ERN1: variants seen among roughly 807,000 people sequenced by gnomAD.
ERN1 encodes endoplasmic reticulum to nucleus signaling 1.
A neutral mutation model predicts 113.1 loss-of-function variants in ERN1; 39 were observed. The observed-to-expected ratio is 0.34, with a 90% confidence interval of 0.27 to 0.45. The LOEUF is 0.45. Among genes scored for constraint, ERN1 ranks in the 20% least tolerant of loss-of-function variants. The pLI, the probability that ERN1 is intolerant of heterozygous loss-of-function variation, is 1.00. For synonymous variants in ERN1, 507 were observed against 515.9 expected, an observed-to-expected ratio of 0.98 and a Z score of 0.23; for missense variants, 976 against 1,274.8, an observed-to-expected ratio of 0.77 and a Z score of 3.57.
At position 64,072,117 on chromosome 17, in the gene ERN1, A is replaced by G; in HGVS notation, c.356-14T>C. 1.2e-6 allele frequency: 2 copies of G among 1,612,860 alleles called. No homozygotes were observed. Among genetic ancestry groups the G allele is most frequent in the Non-Finnish European group, 1.7e-6 (2 of 1,179,494 alleles). The stretch of plus-strand genomic sequence containing the variant: ...CCTGCTTTTTACCTGAAAGGACACA[A>G]AAACACATCGTCGTTTACACCATAT... On this transcript the variant is annotated splice_polypyrimidine_tract_variant and intron_variant, in intron 5 of 21. Coordinates refer to ENST00000433197, the MANE Select transcript of ERN1 (RefSeq NM_001433.5).
intron 17 of ERN1, among the ~76,000 whole-genome samples, chr17:64,052,161 C>G (rs1474061859): frequency 6.6e-6 from 1 of 152,166 alleles, no homozygotes; most frequent in Non-Finnish European, 1.5e-5. Flanking sequence ...CAAGACCAGC[C>G]TGGGCAAAAT....
chr17:64,088,638 G>C (rs1914000307), intron 2 of ERN1, among the ~76,000 whole-genome samples: 1 of 152,102 alleles, frequency 6.6e-6, no homozygotes, highest in Non-Finnish European at 1.5e-5. Context: ...GCTTCAGCTG[G>C]GTTCTCTGTT....
chr17:64,118,198 C>T (rs138404795), intron 1 of ERN1, among the ~76,000 whole-genome samples: 214 of 152,198 alleles, frequency 1.4e-3, no homozygotes, highest in African/African-American at 5.1e-3. Flanking sequence ...TTTCTGGTTC[C>T]GTTGCTTTGT....
chr17:64,123,400 G>T (rs1382703478), intron 1 of ERN1, among the ~76,000 whole-genome samples: 3 of 152,110 alleles, frequency 2.0e-5, no homozygotes, highest in Admixed American at 6.5e-5. Context: ...TAGCTTTTAG[G>T]TACAAAGGGT....
At chr17:64,112,019 G>A (rs1353443663) in intron 1 of ERN1, among the ~76,000 whole-genome samples, 1 of 152,110 alleles carries the variant, frequency 6.6e-6, no homozygotes, top group Non-Finnish European at 1.5e-5. Context: ...GGTGCTAGGA[G>A]ACAATCAGGA....
In ERN1 at chr17:64,055,758, G is replaced by A; in HGVS notation, c.1589C>T (p.Pro530Leu). ...SSGTSSPSTS[P>L]RASNHSLCSG... ...GCAGAGCGAGTGGTTGGAGGCCCTG[G>A]GGGACGTGCTGGGGCTGCTGGTGCC... is the stretch of plus-strand genomic sequence containing the variant. Residue 530 changes from proline to leucine, a missense_variant, in exon 13 of 22, where the codon CCC becomes CTC. Transcript: ENST00000433197. The A allele has an allele frequency of 6.2e-7, 1 of 1,610,686 alleles. No individual in the cohort carries two copies. The highest frequency in any genetic ancestry group is 8.5e-7 in the Non-Finnish European group (1 of 1,178,834).
At chr17:64,092,972 C>T (rs966390588) in intron 2 of ERN1, among the ~76,000 whole-genome samples, 10 of 152,120 alleles carry the variant, frequency 6.6e-5, no homozygotes, top group African/African-American at 2.2e-4. Flanking sequence ...AGAAGGATGG[C>T]CCCTAAAGTA....
At chr17:64,099,565 C>CA (rs1914326879) in intron 1 of ERN1, among the ~76,000 whole-genome samples, 1 of 151,888 alleles carries the variant, frequency 6.6e-6, no homozygotes, top group South Asian at 2.1e-4. Context: ...GCTTATACTG[C>CA]AACAGTTTGA....
At chr17:64,093,830 T>C (rs1041861384) in intron 2 of ERN1, among the ~76,000 whole-genome samples, 3 of 152,200 alleles carry the variant, frequency 2.0e-5, no homozygotes, top group African/African-American at 7.2e-5. Context: ...CTCCAACGGC[T>C]GAGGAAAAGC....
chr17:64,046,822 T>A (rs1405405803), intron 19 of ERN1, among the ~76,000 whole-genome samples: 2 of 152,236 alleles, frequency 1.3e-5, no homozygotes, highest in Non-Finnish European at 2.9e-5. Context: ...CCCACAAGCC[T>A]GCTTTCAGAG....
At chr17:64,107,236 A>G (rs141060531) in intron 1 of ERN1, among the ~76,000 whole-genome samples, 1 of 152,320 alleles carries the variant, frequency 6.6e-6, no homozygotes, top group Non-Finnish European at 1.5e-5. Context: ...AATGATCAGG[A>G]GGGGCTCAAC....
At chr17:64,077,000 G>T (rs1329384706) in intron 4 of ERN1, among the ~76,000 whole-genome samples, 1 of 152,188 alleles carries the variant, frequency 6.6e-6, no homozygotes. Context: ...CCACAGGGCT[G>T]CTGAGAGATT....
At chr17:64,055,128 T>C (rs1359072708) in intron 13 of ERN1, among the ~76,000 whole-genome samples, 1 of 152,238 alleles carries the variant, frequency 6.6e-6, no homozygotes, top group Non-Finnish European at 1.5e-5. Flanking sequence ...TACATATTCA[T>C]TGTGATATAG....
At chr17:64,128,007 CT>C (rs538770412) in intron 1 of ERN1, among the ~76,000 whole-genome samples, 116 of 143,990 alleles carry the variant, frequency 8.1e-4, no homozygotes, top group Middle Eastern at 3.7e-3. Context: ...TCTGACCTTT[CT>C]TTTTTTTTTT....
At chr17:64,102,837 ATC>A (rs1914423826) in intron 1 of ERN1, 1 of 985,218 alleles carries the variant, frequency 1.0e-6, no homozygotes, top group East Asian at 1.1e-4. Context: ...GAGTCTGCAG[ATC>A]TGTTTCAAGT....
chr17:64,124,587 G>C (rs150543105), intron 1 of ERN1, among the ~76,000 whole-genome samples: 2 of 152,192 alleles, frequency 1.3e-5, no homozygotes, highest in Non-Finnish European at 2.9e-5. Flanking sequence ...TGCCATCAAC[G>C]TAAGATGTGA....
chr17:64,126,603 T>C (rs765151067), intron 1 of ERN1, among the ~76,000 whole-genome samples: 1 of 152,182 alleles, frequency 6.6e-6, no homozygotes, highest in Non-Finnish European at 1.5e-5. Context: ...GAAGGCTGAA[T>C]AGGCAGGCAA....
chr17:64,053,116 T>C, intron 16 of ERN1, 137 bp from the exon 17 acceptor site: 1 of 923,330 alleles, frequency 1.1e-6, no homozygotes, highest in Non-Finnish European at 1.6e-6. Flanking sequence ...CTATGTCGGA[T>C]TCCTCCTCAA....
chr17:64,108,673 G>A (rs757583675), intron 1 of ERN1, among the ~76,000 whole-genome samples: 4 of 152,122 alleles, frequency 2.6e-5, no homozygotes, highest in Non-Finnish European at 5.9e-5. Flanking sequence ...ACCAAGAAAC[G>A]TATCAGGCTA....
Sources: gnomAD v4.1 joint callset for allele counts (sites outside exome capture counted in the v4.1 genomes callset) on GRCh38, gnomAD v4.1.1 for gene constraint, MANE v1.5 for transcripts, NCBI Gene and HGNC (gene_info 2026-07-23, HGNC 2026-07-21) for gene names.